Variants in ATPAF1 observed in about 807,000 individuals in gnomAD.
The protein encoded by ATPAF1 is ATP synthase mitochondrial F1 complex assembly factor 1.
In ATPAF1, 26 loss-of-function variants were observed where a neutral mutation model predicts 43.9. The ratio of observed to expected loss-of-function variants is 0.59; its 90% CI spans 0.43 to 0.82. The LOEUF (loss-of-function observed/expected upper bound fraction) is 0.82. Ranked by LOEUF, ATPAF1 falls within the 40% of genes least tolerant of loss-of-function variation. The pLI is 0.00. For missense variants in ATPAF1, 366 were observed against 435.0 expected (o/e 0.84, Z 1.41); for synonymous variants, 157 against 168.0 (o/e 0.93, Z 0.50).
Position 46,668,084 on chromosome 1 carries a change from T to C in ATPAF1, c.239A>G (p.Tyr80Cys), listed in dbSNP as rs1454713893. 2 of 1,449,732 alleles carry C rather than the reference T, an allele frequency of 1.4e-6. No individual in the cohort carries two copies. The highest frequency in any genetic ancestry group is 3.0e-5 in the African/African-American group (2 of 67,326). 89.8% of individuals were successfully genotyped at this position (1,449,732 alleles called of 1,614,324 possible). ...GCGCAGCAGCTGGATCTTGTCGCGG[T>C]AGCGGTCGTAGAAAGGGTTGGCCTG... The change falls in exon 1 of 9, where the codon TAC becomes TGC. Residue 80 changes from tyrosine to cysteine, a missense_variant. Around this residue, in one of 2 missense-constraint regions of ATPAF1, gnomAD observed 186 missense variants for 168.5 expected, o/e 1.10. Transcript: ENST00000574428. The surrounding 1 kb of genome is among the most constrained non-coding windows in gnomAD (Gnocchi z 4.4).
intron 2 of ATPAF1, among the ~76,000 whole-genome samples, chr1:46,660,045 C>T (rs914087542): frequency 1.3e-5 from 2 of 150,344 alleles, no homozygotes; most frequent in African/African-American, 2.5e-5. Flanking sequence ...GGCACAATGT[C>T]GGCTCACTGC....
At chr1:46,648,028 G>T (rs1225504860) in intron 6 of ATPAF1, among the ~76,000 whole-genome samples, 2 of 152,148 alleles carry the variant, frequency 1.3e-5, no homozygotes, top group Non-Finnish European at 2.9e-5. Context: ...TACACCTTTT[G>T]GCTATTGTGA....
At chr1:46,667,155 A>G (rs1676504367) in intron 1 of ATPAF1, among the ~76,000 whole-genome samples, 1 of 152,242 alleles carries the variant, frequency 6.6e-6, no homozygotes, top group Admixed American at 6.5e-5. Context: ...AAAGTAGTCC[A>G]GGAATGGAAG....
In ATPAF1 at chr1:46,668,080, G is replaced by A; in HGVS notation, c.243C>T (p.Arg81=). Residue 81 remains arginine, a synonymous_variant, in exon 1 of 9, where the codon CGC becomes CGT. Transcript: ENST00000574428. The surrounding 1 kb of genome is among the most constrained non-coding windows in gnomAD (Gnocchi z 4.4). ...ACCTGCGCAGCAGCTGGATCTTGTC[G>A]CGGTAGCGGTCGTAGAAAGGGTTGG... The A allele has an allele frequency of 6.9e-7, 1 of 1,447,248 alleles. No individual in the cohort carries two copies. Among genetic ancestry groups the A allele is most frequent in the Non-Finnish European group, 9.1e-7 (1 of 1,097,446 alleles). The allele number at this position is 1,447,248 out of a possible 1,614,324, so 89.7% of individuals were successfully genotyped here. A position where few individuals can be genotyped will look rare whatever the true frequency, so the allele number is the denominator to read the frequency against.
chr1:46,655,487 G>C (rs1415084227), intron 4 of ATPAF1, among the ~76,000 whole-genome samples: 2 of 151,972 alleles, frequency 1.3e-5, no homozygotes, highest in Admixed American at 1.3e-4. Flanking sequence ...TTAGAAAACA[G>C]GGAAAAGGAA....
chr1:46,659,759 C>A (rs1281755939), intron 2 of ATPAF1, among the ~76,000 whole-genome samples: 1 of 152,174 alleles, frequency 6.6e-6, no homozygotes, highest in Non-Finnish European at 1.5e-5. Flanking sequence ...CTGAAAAACA[C>A]TTTCTGCATA....
At chr1:46,645,886 G>A (rs1676034146) in intron 6 of ATPAF1, among the ~76,000 whole-genome samples, 1 of 152,182 alleles carries the variant, frequency 6.6e-6, no homozygotes, top group Non-Finnish European at 1.5e-5. Flanking sequence ...AGAAGTAGTA[G>A]TTTACAGGCT....
At chr1:46,659,519 T>TC (rs1328610946) in intron 2 of ATPAF1, among the ~76,000 whole-genome samples, 5 of 133,434 alleles carry the variant, frequency 3.7e-5, no homozygotes, top group Non-Finnish European at 8.9e-5. Context: ...CAGACTAGAG[T>TC]CATTTTGAGT....
rs1388849454 is a variant in ATPAF1 at position 46,653,651 on chromosome 1, A to C, written c.540+166T>G. 3.9e-5 allele frequency among the ~76,000 whole-genome samples: 6 copies of C among 152,192 alleles called. No homozygotes were observed. The highest frequency in any genetic ancestry group is 7.3e-5 in the Non-Finnish European group (5 of 68,044). On this transcript the variant is annotated intron_variant, in intron 5 of 8. Transcript: ENST00000574428. This position sits in a 1 kb window ranked among gnomAD's most constrained non-coding sequence, Gnocchi z 4.8. ...CAAGAGCCATAAATATACCATATGG[A>C]GCTTCCAATCTCTGGTGCTCAGGGC...
At chr1:46,665,356 G>A (rs1390884289) in exon 2 of ATPAF1, 1 of 1,614,056 alleles carries the variant, frequency 6.2e-7, no homozygotes, top group East Asian at 2.2e-5. Context: ...AAAAGCAGCT[G>A]GGTCTGACCT....
In ATPAF1 at chr1:46,654,563, A is replaced by T. The variant is rs1189690423; in HGVS notation, c.490-696T>A. Among the ~76,000 whole-genome samples, 30 of 77,630 alleles carry T rather than the reference A, an allele frequency of 3.9e-4. No individual in the cohort carries two copies. In the East Asian group the frequency reaches 8.0e-3, roughly 21 times the overall value. 50.9% of individuals were successfully genotyped at this position (77,630 alleles called of 152,430 possible). On this transcript the variant is annotated intron_variant, in intron 4 of 8. Transcript: ENST00000574428. ...TTATTATTATTATTATTATTATTGT[A>T]CTTTAAGTTCTAGGGTACATGTGTA...
At chr1:46,649,157 C>CAAAAAA in intron 6 of ATPAF1, among the ~76,000 whole-genome samples, 1 of 104,772 alleles carries the variant, frequency 9.5e-6, no homozygotes. Context: ...AGCTCCGTCT[C>CAAAAAA]AAAAAAAAAA....
At chr1:46,660,388 T>G (rs1676365849) in intron 2 of ATPAF1, among the ~76,000 whole-genome samples, 1 of 152,202 alleles carries the variant, frequency 6.6e-6, no homozygotes, top group South Asian at 2.1e-4. Flanking sequence ...TGAAGCCTCA[T>G]GTATCGGTTT....
In ATPAF1 at chr1:46,649,342, CAT is replaced by C. The variant is rs144260714; in HGVS notation, c.588+3237_588+3238del. ...ACCTTTGTTGAAAAACAACTAACCACATATATGTTTGTCTATTTCAGGACTCT... is the reference window on the plus strand; with the variant it reads ...ACCTTTGTTGAAAAACAACTAACCACATATGTTTGTCTATTTCAGGACTCT... On this transcript the variant is annotated intron_variant, in intron 6 of 8. Transcript: ENST00000574428. Among the ~76,000 whole-genome samples, 228 of 152,212 alleles carry C rather than the reference CAT, an allele frequency of 1.5e-3. 5 individuals are homozygous for C. In the East Asian group the frequency reaches 0.041, roughly 28 times the overall value.
At chr1:46,641,411 GT>G (rs1216996668) in intron 8 of ATPAF1, among the ~76,000 whole-genome samples, 1 of 152,206 alleles carries the variant, frequency 6.6e-6, no homozygotes, top group East Asian at 1.9e-4. Context: ...ATACAAATAT[GT>G]TTTCTTTCTC....
At chr1:46,644,604 T>C (rs1676005408) in intron 7 of ATPAF1, among the ~76,000 whole-genome samples, 1 of 152,250 alleles carries the variant, frequency 6.6e-6, no homozygotes, top group African/African-American at 2.4e-5. Context: ...AGAATGCCAA[T>C]CCTAGTTATG....
intron 6 of ATPAF1, among the ~76,000 whole-genome samples, chr1:46,652,139 T>C (rs1676181061): frequency 1.3e-5 from 2 of 151,742 alleles, no homozygotes; most frequent in Admixed American, 6.6e-5. Context: ...CACACATGTA[T>C]TGAACTATCA....
chr1:46,666,943 C>A (rs1252403460), intron 1 of ATPAF1, among the ~76,000 whole-genome samples: 1 of 152,192 alleles, frequency 6.6e-6, no homozygotes, highest in Admixed American at 6.5e-5. Flanking sequence ...TTCAGAGATG[C>A]TTGTGTGTAA....
At chr1:46,643,353 T>C (rs745838000) in intron 7 of ATPAF1, 52 bp from the exon 8 acceptor site, 5 of 1,416,896 alleles carry the variant, frequency 3.5e-6, no homozygotes, top group Non-Finnish European at 4.9e-6. Context: ...CACAACAAAC[T>C]GCAATTTCAA....
Sources: allele counts gnomAD v4.1 joint callset (sites outside exome capture counted in the v4.1 genomes callset), GRCh38; gene constraint gnomAD v4.1.1; regional missense constraint gnomAD v4.1.1; non-coding constraint Gnocchi (gnomAD v3.1); transcripts MANE v1.5; gene names NCBI Gene and HGNC (gene_info 2026-07-23, HGNC 2026-07-21).